The following GALK2 variants were observed in gnomAD, a reference collection of about 807,000 sequenced individuals.
The protein encoded by GALK2 is N-acetylgalactosamine kinase.
A neutral mutation model predicts 52.4 loss-of-function variants in GALK2; 36 were observed. That is an observed-to-expected ratio of 0.69 (90% CI 0.53 to 0.91). The LOEUF is 0.91. Among genes scored for constraint, GALK2 ranks in the 40% least tolerant of loss-of-function variants. The probability of loss-of-function intolerance (pLI) is 0.00; values close to 1 mark genes in which losing one functional copy is unlikely to be tolerated. For synonymous variants in GALK2, 176 were observed against 199.1 expected (o/e 0.88, Z 0.98); for missense variants, 579 against 559.1 (o/e 1.04, Z -0.36).
rs1006334318 is a variant in GALK2, at chr15:49,330,619, A to T, written c.*2460A>T. On this transcript the variant is annotated 3_prime_UTR_variant, in exon 10 of 10. Transcript: ENST00000560031. Reference sequence around the variant, plus strand: ...TGTATAATAGTTTCCCTGACACTCAAATCATTTACCACTTACCAGCTGAGG... The same window carrying T: ...TGTATAATAGTTTCCCTGACACTCATATCATTTACCACTTACCAGCTGAGG... The T allele has an allele frequency of 1.3e-5, 2 of 152,100 alleles. No homozygotes were observed. The highest frequency in any genetic ancestry group is 6.6e-5 in the Admixed American group (1 of 15,264). 9.4% of individuals were successfully genotyped at this position (152,100 alleles called of 1,614,324 possible).
chr15:49,366,492 T>C lies in GALK2; in HGVS notation c.427-999T>C, dbSNP rs2045213340. 2.5e-6 allele frequency: 3 copies of C among 1,217,270 alleles called. No homozygotes were observed. The African/African-American group carries it at 4.4e-5, about 18-fold the overall frequency. 75.4% of individuals were successfully genotyped at this position (1,217,270 alleles called of 1,614,324 possible). On this transcript the variant is annotated intron_variant, in intron 3 of 3. Transcript: ENST00000558399. ...CATAGTGGTGCGGAAGTCAGATTCA[T>C]CAAACTAATGGAAGTTGCATTTTCT...
chr15:49,198,604 A>C (rs2087445576), intron 1 of GALK2, among the ~76,000 whole-genome samples: 1 of 152,172 alleles, frequency 6.6e-6, no homozygotes, highest in East Asian at 1.9e-4. Context: ...TATAACTTAA[A>C]AAAAATCATT....
intron 8 of GALK2, among the ~76,000 whole-genome samples, chr15:49,308,811 C>G (rs1355683915): frequency 6.6e-6 from 1 of 152,166 alleles, no homozygotes; most frequent in Non-Finnish European, 1.5e-5. Flanking sequence ...CATGTTGGAA[C>G]TTGGAAGGTT....
At chr15:49,286,303 G>A (rs1381661779) in intron 7 of GALK2, among the ~76,000 whole-genome samples, 1 of 152,162 alleles carries the variant, frequency 6.6e-6, no homozygotes, top group Admixed American at 6.5e-5. Context: ...TTGTTCAATA[G>A]ATGAATGACA....
At chr15:49,161,108 A>G (rs550559122) in intron 1 of GALK2, among the ~76,000 whole-genome samples, 23 of 152,206 alleles carry the variant, frequency 1.5e-4, no homozygotes, top group Non-Finnish European at 2.5e-4. Context: ...CTGCATGTTG[A>G]TTTACATTTA....
At chr15:49,263,918 A>G (rs1379624012) in intron 5 of GALK2, among the ~76,000 whole-genome samples, 1 of 151,770 alleles carries the variant, frequency 6.6e-6, no homozygotes, top group Non-Finnish European at 1.5e-5. Context: ...TCTGGCTTGT[A>G]GGGTTTCTGC....
At chr15:49,217,037 G>T in intron 2 of GALK2, 153 bp from the exon 3 acceptor site, 1 of 570,488 alleles carries the variant, frequency 1.8e-6, no homozygotes, top group Non-Finnish European at 3.1e-6. Context: ...GATCATGGAA[G>T]GGTTCTATTT....
rs186564855 is a variant in GALK2 at position 49,162,059 on chromosome 15, C to T, written c.20+6043C>T. On this transcript the variant is annotated intron_variant, in intron 1 of 9. Coordinates refer to the GALK2 transcript ENST00000327171. ...TAATGAACTTTGACATATGTATACA[C>T]CTGTGAAACTATCACGACACAAGAT... Among the ~76,000 whole-genome samples the T allele has an allele frequency of 6.3e-3, 965 of 152,278 alleles. 15 individuals are homozygous for T. Among genetic ancestry groups the T allele is most frequent in the African/African-American group, 0.022 (908 of 41,546 alleles).
chr15:49,360,102 G>A (rs957053228), intron 3 of GALK2, among the ~76,000 whole-genome samples: 1 of 114,194 alleles, frequency 8.8e-6, no homozygotes, highest in Non-Finnish European at 1.7e-5. Context: ...GGTGGGGGGA[G>A]GGGGGAGGGA....
At chr15:49,265,547 G>T (rs759332747) in intron 5 of GALK2, among the ~76,000 whole-genome samples, 1 of 152,250 alleles carries the variant, frequency 6.6e-6, no homozygotes, top group East Asian at 1.9e-4. Context: ...GCCTCGCCCT[G>T]TTTTGGCTCG....
At chr15:49,187,271 C>T (rs1003644674) in intron 1 of GALK2, among the ~76,000 whole-genome samples, 9 of 152,158 alleles carry the variant, frequency 5.9e-5, no homozygotes, top group African/African-American at 2.2e-4. Flanking sequence ...TAAATCTTTA[C>T]CATCATTTTC....
chr15:49,339,865 G>C (rs2040404573), intron 3 of GALK2, among the ~76,000 whole-genome samples: 1 of 152,164 alleles, frequency 6.6e-6, no homozygotes. Context: ...GCCTTGCTGA[G>C]CTGCGGTGGG....
rs144691569 is a variant in GALK2, at chr15:49,207,362, C to T, written c.142+6112C>T. ...TGATGCTGGCTTCATAAAATGAATT[C>T]GTAAAATGAATTCGGAAAGGTTCCT... On this transcript the variant is annotated intron_variant, in intron 2 of 9. Transcript: ENST00000560031. Among the ~76,000 whole-genome samples the T allele has an allele frequency of 4.3e-3, 657 of 152,070 alleles. 2 individuals are homozygous for T. Among genetic ancestry groups the T allele is most frequent in the Admixed American group, 9.8e-3 (149 of 15,268 alleles).
intron 5 of GALK2, among the ~76,000 whole-genome samples, chr15:49,260,680 T>G (rs1469438535): frequency 1.3e-5 from 2 of 150,780 alleles, no homozygotes; most frequent in Non-Finnish European, 1.5e-5. Flanking sequence ...GGTTTTCTTC[T>G]AGGGTTTTTA....
intron 3 of GALK2, among the ~76,000 whole-genome samples, chr15:49,350,798 T>C (rs1208794742): frequency 2.0e-5 from 3 of 152,138 alleles, no homozygotes; most frequent in Non-Finnish European, 2.9e-5. Context: ...AACAGTGCTC[T>C]CTAAGATATG....
At position 49,329,260 on chromosome 15, in the gene GALK2, A is replaced by ATGTT. The variant is rs1471536167; in HGVS notation, c.*1104_*1107dup. 8 of 985,312 alleles carry ATGTT rather than the reference A, an allele frequency of 8.1e-6. No homozygotes were observed. The highest frequency in any genetic ancestry group is 9.6e-6 in the Non-Finnish European group (8 of 829,974). The allele number at this position is 985,312 out of a possible 1,614,324, so 61.0% of individuals were successfully genotyped here. A position where few individuals can be genotyped will look rare whatever the true frequency, so the allele number is the denominator to read the frequency against. ...GTATGTATATCAAGAGTGGGCAGAA[A>ATGTT]TGTTTGGCTGGTGATGGCAAATGAC... On this transcript the variant is annotated 3_prime_UTR_variant, in exon 10 of 10. Transcript: ENST00000560031.
intron 1 of GALK2, among the ~76,000 whole-genome samples, chr15:49,159,695 A>G (rs1021001299): frequency 1.3e-5 from 2 of 152,158 alleles, no homozygotes; most frequent in African/African-American, 4.8e-5. Context: ...TTTAAGTTAT[A>G]TTTGTGACAA....
downstream of GALK2, chr15:49,335,310 A>T (rs2039516088): frequency 1.5e-6 from 1 of 684,378 alleles, no homozygotes; most frequent in Non-Finnish European, 2.5e-6. Flanking sequence ...AGATGCTCAG[A>T]CATGACTCTC....
chr15:49,338,331 A>G (rs543468678), intron 3 of GALK2, among the ~76,000 whole-genome samples: 298 of 152,326 alleles, frequency 2.0e-3, no homozygotes, highest in South Asian at 7.3e-3. Flanking sequence ...GGTGGTGACA[A>G]AATCTCTCAG....
Sources: gnomAD v4.1 joint callset for allele counts (sites outside exome capture counted in the v4.1 genomes callset) on GRCh38, gnomAD v4.1.1 for gene constraint, MANE v1.5 for transcripts, NCBI Gene and HGNC (gene_info 2026-07-23, HGNC 2026-07-21) for gene names.